Variants in KCND2 observed in about 807,000 individuals in gnomAD.
KCND2 encodes the protein potassium voltage-gated channel subfamily D member 2.
Under a neutral mutation model 54.4 loss-of-function variants are expected in KCND2, and 16 were observed. That is an observed-to-expected ratio of 0.29 (90% CI 0.20 to 0.45). The LOEUF (loss-of-function observed/expected upper bound fraction) is 0.45, where lower values mean the gene tolerates loss of function less well. Among genes scored for constraint, KCND2 ranks in the 20% least tolerant of loss-of-function variants. KCND2 has a pLI of 1.00. For missense variants in KCND2, 486 were observed against 824.2 expected (o/e 0.59, Z 5.02); for synonymous variants, 317 against 310.7 (o/e 1.02, Z -0.21).
rs560512670 is a variant in KCND2, at chr7:120,477,176, T to C, written c.1115+201429T>C. Among the ~76,000 whole-genome samples the C allele has an allele frequency of 9.2e-5, 14 of 152,330 alleles. No individual in the cohort carries two copies. In the South Asian group the frequency reaches 2.9e-3, roughly 32 times the overall value. The stretch of plus-strand genomic sequence containing the variant: ...TGACTAGCTTACTGTATGCTTACTA[T>C]GCACTGAATAGCTTAGAGTGGCATT... On this transcript the variant is annotated intron_variant, in intron 1 of 5. Transcript: ENST00000331113.
At chr7:120,498,737 T>C (rs1197586851) in intron 1 of KCND2, among the ~76,000 whole-genome samples, 1 of 152,110 alleles carries the variant, frequency 6.6e-6, no homozygotes, top group East Asian at 1.9e-4. Context: ...ATCGTGCCAC[T>C]GCATTCCAGT....
At chr7:120,331,058 G>A (rs1340854676) in intron 1 of KCND2, among the ~76,000 whole-genome samples, 1 of 152,080 alleles carries the variant, frequency 6.6e-6, no homozygotes, top group South Asian at 2.1e-4. Context: ...TAATCATTGT[G>A]TAAGATTTCA....
chr7:120,692,604 C>T, intron 1 of KCND2, among the ~76,000 whole-genome samples: 1 of 152,104 alleles, frequency 6.6e-6, no homozygotes, highest in East Asian at 1.9e-4. Context: ...CCAAGGCCCC[C>T]TGCAAAGAAC....
intron 1 of KCND2, among the ~76,000 whole-genome samples, chr7:120,327,627 T>C (rs1004899179): frequency 2.0e-5 from 3 of 152,124 alleles, no homozygotes; most frequent in Non-Finnish European, 2.9e-5. Context: ...TTGACACATT[T>C]ATAGCCTTCC....
At chr7:120,698,634 C>G (rs1021917518) in intron 1 of KCND2, among the ~76,000 whole-genome samples, 1 of 152,170 alleles carries the variant, frequency 6.6e-6, no homozygotes, top group Non-Finnish European at 1.5e-5. Flanking sequence ...CAAAATCATT[C>G]AACAAATATT....
intron 1 of KCND2, among the ~76,000 whole-genome samples, chr7:120,306,724 C>T (rs550297809): frequency 5.9e-5 from 9 of 151,972 alleles, no homozygotes; most frequent in Non-Finnish European, 8.8e-5. Flanking sequence ...ACTTCTATAC[C>T]GTTATCATAT....
intron 1 of KCND2, among the ~76,000 whole-genome samples, chr7:120,730,782 C>T (rs1163074409): frequency 1.3e-5 from 2 of 152,138 alleles, no homozygotes; most frequent in Non-Finnish European, 2.9e-5. Flanking sequence ...CTGTCTCTCT[C>T]AACAGTTTTT....
chr7:120,335,472 T>C (rs1016013834), intron 1 of KCND2, among the ~76,000 whole-genome samples: 157 of 85,776 alleles, frequency 1.8e-3, no homozygotes, highest in African/African-American at 6.3e-3. Context: ...TACTTACTTA[T>C]TTATTTATTT....
chr7:120,328,483 G>A (rs1800014280), intron 1 of KCND2, among the ~76,000 whole-genome samples: 1 of 152,092 alleles, frequency 6.6e-6, no homozygotes, highest in Admixed American at 6.6e-5. Context: ...AAAGTTGACA[G>A]TTTAACCAGG....
intron 1 of KCND2, among the ~76,000 whole-genome samples, chr7:120,647,484 TC>T (rs1020371290): frequency 5.9e-5 from 9 of 152,308 alleles, no homozygotes; most frequent in African/African-American, 2.2e-4. Flanking sequence ...CCTCTCACCT[TC>T]CCCCTTGCTT....
chr7:120,527,225 C>G (rs1399555963), intron 1 of KCND2, among the ~76,000 whole-genome samples: 1 of 152,052 alleles, frequency 6.6e-6, no homozygotes, highest in Non-Finnish European at 1.5e-5. Flanking sequence ...GAAATTAAAT[C>G]AACTTTAATA....
chr7:120,585,806 G>A (rs1426574270), intron 1 of KCND2, among the ~76,000 whole-genome samples: 1 of 152,148 alleles, frequency 6.6e-6, no homozygotes, highest in Admixed American at 6.6e-5. Flanking sequence ...TGAACGCAAT[G>A]ATAATGAATC....
chr7:120,548,805 A>G (rs756492558), intron 1 of KCND2, among the ~76,000 whole-genome samples: 1 of 152,086 alleles, frequency 6.6e-6, no homozygotes, highest in Non-Finnish European at 1.5e-5. Context: ...TGGAATTGTT[A>G]TTGGTGGCGT....
chr7:120,372,334 A>G (rs746895045), intron 1 of KCND2, among the ~76,000 whole-genome samples: 22 of 151,850 alleles, frequency 1.4e-4, no homozygotes, highest in Non-Finnish European at 2.7e-4. Context: ...TAGAAGTGGT[A>G]TAAATCAAGT....
chr7:120,389,317 G>A (rs1416782867), intron 1 of KCND2, among the ~76,000 whole-genome samples: 1 of 151,762 alleles, frequency 6.6e-6, no homozygotes, highest in African/African-American at 2.4e-5. Flanking sequence ...TTACACTCAA[G>A]CAAGTTAACC....
Position 120,372,380 on chromosome 7 carries a change from C to T in KCND2, c.1115+96633C>T, listed in dbSNP as rs147439301. Among the ~76,000 whole-genome samples the T allele has an allele frequency of 9.1e-3, 1,377 of 151,872 alleles. 27 individuals carry two copies. Among genetic ancestry groups the T allele is most frequent in the African/African-American group, 0.031 (1,300 of 41,474 alleles). ...ATGAAAAAAAAATGCAGAATTCTCT[C>T]ATAAACGGTTTCAAAATTTAATATT... On this transcript the variant is annotated intron_variant, in intron 1 of 5. Transcript: ENST00000331113.
intron 1 of KCND2, among the ~76,000 whole-genome samples, chr7:120,343,072 A>C (rs2116369001): frequency 6.6e-6 from 1 of 152,302 alleles, no homozygotes; most frequent in African/African-American, 2.4e-5. Flanking sequence ...CCATTCAAAA[A>C]GTACAAAGAA....
In KCND2 at chr7:120,705,425, G is replaced by T. The variant is rs75194324; in HGVS notation, c.1116-27478G>T. Among the ~76,000 whole-genome samples the T allele has an allele frequency of 2.7e-3, 411 of 152,292 alleles. 3 individuals are homozygous for T. Among genetic ancestry groups the T allele is most frequent in the African/African-American group, 9.0e-3 (376 of 41,580 alleles). ...AAAGAACACACACAGTTTGCAGTTA[G>T]ACTTAGCTGAGTTCCAATCCAGCTT... On this transcript the variant is annotated intron_variant, in intron 1 of 5. Coordinates refer to ENST00000331113, the MANE Select transcript of KCND2 (RefSeq NM_012281.3).
chr7:120,476,032 T>C (rs1802528943), intron 1 of KCND2, among the ~76,000 whole-genome samples: 1 of 152,186 alleles, frequency 6.6e-6, no homozygotes, highest in Non-Finnish European at 1.5e-5. Context: ...AAATAATGCA[T>C]TAGGTTTTAA....
Sources: gnomAD v4.1 joint callset for allele counts (sites outside exome capture counted in the v4.1 genomes callset) on GRCh38, gnomAD v4.1.1 for gene constraint, MANE v1.5 for transcripts, NCBI Gene and HGNC (gene_info 2026-07-23, HGNC 2026-07-21) for gene names.